The following KIRREL3 variants were observed in gnomAD, a reference collection of about 807,000 sequenced individuals.
KIRREL3 encodes the protein kirre like nephrin family adhesion molecule 3.
KIRREL3 carries 36 observed loss-of-function variants against 89.7 expected under a neutral mutation model. That is an observed-to-expected ratio of 0.40 (90% CI 0.31 to 0.53). KIRREL3 has a LOEUF of 0.53. KIRREL3 is among the 20% of genes least tolerant of loss of function. The pLI is 0.49. For synonymous variants in KIRREL3, 445 were observed against 441.4 expected, an observed-to-expected ratio of 1.01 and a Z score of -0.10; for missense variants, 864 against 1,056.6, an observed-to-expected ratio of 0.82 and a Z score of 2.53.
chr11:126,431,257 C>T lies in KIRREL3; in HGVS notation c.1696+162G>A. 1 of 1,537,348 alleles carries T rather than the reference C, an allele frequency of 6.5e-7. No individual in the cohort carries two copies. The highest frequency in any genetic ancestry group is 2.5e-5 in the East Asian group (1 of 40,644). On this transcript the variant is annotated intron_variant, in intron 14 of 16. Coordinates refer to ENST00000525144, the MANE Select transcript of KIRREL3 (RefSeq NM_032531.4). The surrounding 1 kb of genome is among the most constrained non-coding windows in gnomAD (Gnocchi z 7.1). ...TCTGCCAGGCGCCATGTTGCCCAGG[C>T]TCACATACACCGATGCATCAGACCC...
chr11:126,865,924 G>A (rs1284672001), intron 1 of KIRREL3, among the ~76,000 whole-genome samples: 1 of 151,694 alleles, frequency 6.6e-6, no homozygotes, highest in Non-Finnish European at 1.5e-5. Context: ...CACCTCCACC[G>A]AGTTTCCGGC....
rs57667466 is a variant in KIRREL3 at position 126,529,602 on chromosome 11, C to CAA, written c.134-2917_134-2916dup. The stretch of plus-strand genomic sequence containing the variant: ...TAGGTGACAGAGTGAGACTCGGTCT[C>CAA]AAAAAAAAAAAAAAAAGACCTTCCT... On this transcript the variant is annotated intron_variant, in intron 2 of 16. Transcript: ENST00000525144. 2.2e-3 allele frequency among the ~76,000 whole-genome samples: 241 copies of CAA among 111,796 alleles called. 1 individual carries two copies. Among genetic ancestry groups the CAA allele is most frequent in the African/African-American group, 6.0e-3 (198 of 32,948 alleles). The allele number at this position is 111,796 out of a possible 152,430, so 73.3% of individuals were successfully genotyped here.
rs528724307 is a variant in KIRREL3 at position 126,484,745 on chromosome 11, C to T, written c.434-11279G>A. 5.2e-4 allele frequency among the ~76,000 whole-genome samples: 79 copies of T among 152,124 alleles called. No individual in the cohort carries two copies. Among genetic ancestry groups the T allele is most frequent in the African/African-American group, 1.9e-3 (77 of 41,498 alleles). ...TTAATTAATGTAGGTGTGCTTTCCC[C>T]CTCTTCAGACCCTCCCCGCCTCCAC... On this transcript the variant is annotated intron_variant, in intron 4 of 16. Coordinates refer to ENST00000525144, the MANE Select transcript of KIRREL3 (RefSeq NM_032531.4). The surrounding 1 kb of genome is among the most constrained non-coding windows in gnomAD (Gnocchi z 5.2).
chr11:126,913,861 G>T (rs1451243760), intron 1 of KIRREL3, among the ~76,000 whole-genome samples: 5 of 152,178 alleles, frequency 3.3e-5, no homozygotes, highest in Non-Finnish European at 7.3e-5. Flanking sequence ...GGAGGGGTCT[G>T]TGTGGCTGAC....
chr11:126,549,634 G>A (rs1939100294), intron 2 of KIRREL3: 1 of 152,278 alleles, frequency 6.6e-6, no homozygotes, highest in South Asian at 2.1e-4. Context: ...AGAATTCTGT[G>A]ATGAAGCCTT....
intron 3 of KIRREL3, among the ~76,000 whole-genome samples, chr11:126,524,689 CG>C (rs1031652152): frequency 7.9e-5 from 12 of 152,114 alleles, no homozygotes; most frequent in African/African-American, 2.9e-4. Flanking sequence ...CTGGGAGATT[CG>C]GGGGGGCCAC....
In KIRREL3 at chr11:126,744,820, C is replaced by T. The variant is rs144239883; in HGVS notation, c.56-181908G>A. Reference sequence around the variant, plus strand: ...TTCATGAGGCAGGTACTGTATTTGCCCTGTTGCCTGCTCTGTCCCTGACAC... The same window carrying T: ...TTCATGAGGCAGGTACTGTATTTGCTCTGTTGCCTGCTCTGTCCCTGACAC... On this transcript the variant is annotated intron_variant, in intron 1 of 16. Coordinates refer to ENST00000525144, the MANE Select transcript of KIRREL3 (RefSeq NM_032531.4). This position sits in a 1 kb window ranked among gnomAD's most constrained non-coding sequence, Gnocchi z 4.7. Among the ~76,000 whole-genome samples, 406 of 152,024 alleles carry T rather than the reference C, an allele frequency of 2.7e-3. No individual in the cohort carries two copies. Among genetic ancestry groups the T allele is most frequent in the African/African-American group, 8.8e-3 (367 of 41,472 alleles).
Position 126,953,713 on chromosome 11 carries a change from G to C in KIRREL3, c.55+46742C>G, listed in dbSNP as rs1479880483. ...AATCGTTCTCCAATTTTTTGCAAAA[G>C]AGTAATTCTGACACATTTAAACCAC... On this transcript the variant is annotated intron_variant, in intron 1 of 16. Coordinates refer to ENST00000525144, the MANE Select transcript of KIRREL3 (RefSeq NM_032531.4). The surrounding 1 kb of genome is among the most constrained non-coding windows in gnomAD (Gnocchi z 5.2). Among the ~76,000 whole-genome samples, 1 of 152,116 alleles carries C rather than the reference G, an allele frequency of 6.6e-6. No individual in the cohort carries two copies. The highest frequency in any genetic ancestry group is 1.5e-5 in the Non-Finnish European group (1 of 68,012).
rs774467934 is a variant in KIRREL3 at position 126,704,336 on chromosome 11, T to A, written c.56-141424A>T. The stretch of plus-strand genomic sequence containing the variant: ...CAACAGCTGGTAGGAAGCATGTTTG[T>A]CGGGGTGTGGGGAGTGCAGGAGAGA... On this transcript the variant is annotated intron_variant, in intron 1 of 16. Transcript: ENST00000525144. This position sits in a 1 kb window ranked among gnomAD's most constrained non-coding sequence, Gnocchi z 4.2. Among the ~76,000 whole-genome samples, 3 of 152,096 alleles carry A rather than the reference T, an allele frequency of 2.0e-5. No homozygotes were observed. The highest frequency in any genetic ancestry group is 7.2e-5 in the African/African-American group (3 of 41,398).
In KIRREL3 at chr11:126,622,943, G is replaced by A. The variant is rs1943633054; in HGVS notation, c.56-60031C>T. On this transcript the variant is annotated intron_variant, in intron 1 of 16. Transcript: ENST00000525144. This position sits in a 1 kb window ranked among gnomAD's most constrained non-coding sequence, Gnocchi z 5.2. ...TAATGAGGAAATGGAAGTACCTAGA[G>A]GTTAAGTATTTTGCCCAAGGTCACA... Among the ~76,000 whole-genome samples, 1 of 152,174 alleles carries A rather than the reference G, an allele frequency of 6.6e-6. No homozygotes were observed. The highest frequency in any genetic ancestry group is 2.1e-4 in the South Asian group (1 of 4,820).
At chr11:126,458,385 G>A (rs1956441637) in intron 6 of KIRREL3, among the ~76,000 whole-genome samples, 1 of 151,902 alleles carries the variant, frequency 6.6e-6, no homozygotes, top group Non-Finnish European at 1.5e-5. Flanking sequence ...TTGGGACTAC[G>A]GTGGGGTCCT....
rs1326816857 is a variant in KIRREL3 at position 126,898,631 on chromosome 11, T to C, written c.55+101824A>G. 6.6e-6 allele frequency among the ~76,000 whole-genome samples: 1 copy of C among 152,180 alleles called. No homozygotes were observed. The highest frequency in any genetic ancestry group is 2.1e-4 in the South Asian group (1 of 4,824). On this transcript the variant is annotated intron_variant, in intron 1 of 16. Coordinates refer to ENST00000525144, the MANE Select transcript of KIRREL3 (RefSeq NM_032531.4). This position sits in a 1 kb window ranked among gnomAD's most constrained non-coding sequence, Gnocchi z 4.9. Reference sequence around the variant, plus strand: ...ATGTCCTTTAGGTAAATTAAAATCATGCATATAGGTAACACCCTGTACTTT... The same window carrying C: ...ATGTCCTTTAGGTAAATTAAAATCACGCATATAGGTAACACCCTGTACTTT...
At chr11:126,546,072 A>G (rs1356242329) in intron 2 of KIRREL3, among the ~76,000 whole-genome samples, 1 of 152,250 alleles carries the variant, frequency 6.6e-6, no homozygotes, top group Non-Finnish European at 1.5e-5. Flanking sequence ...ATGTGTGTAA[A>G]GTAATGACTG....
rs1177869394 is a variant in KIRREL3 at position 126,508,504 on chromosome 11, G to C, written c.433+12811C>G. Among the ~76,000 whole-genome samples, 1 of 152,102 alleles carries C rather than the reference G, an allele frequency of 6.6e-6. No homozygotes were observed. ...TTTGGAAGCCTTGGGTTTGCTCTTCGAGCCGACTCCCCGATTCCATGAGCC... is the reference window on the plus strand; with the variant it reads ...TTTGGAAGCCTTGGGTTTGCTCTTCCAGCCGACTCCCCGATTCCATGAGCC... On this transcript the variant is annotated intron_variant, in intron 4 of 16. Transcript: ENST00000525144. This position sits in a 1 kb window ranked among gnomAD's most constrained non-coding sequence, Gnocchi z 4.9.
rs1010513014 is a variant in KIRREL3 at position 126,579,377 on chromosome 11, C to T, written c.56-16465G>A. On this transcript the variant is annotated intron_variant, in intron 1 of 16. Transcript: ENST00000525144. This position sits in a 1 kb window ranked among gnomAD's most constrained non-coding sequence, Gnocchi z 5.3. Reference sequence around the variant, plus strand: ...ACCTGAGACTGTAGCTCCTCATTTCCTAAATCCTCCTGCTTGTTGTCTGAG... The same window carrying T: ...ACCTGAGACTGTAGCTCCTCATTTCTTAAATCCTCCTGCTTGTTGTCTGAG... Among the ~76,000 whole-genome samples the T allele has an allele frequency of 6.6e-6, 1 of 152,128 alleles. No individual in the cohort carries two copies. Among genetic ancestry groups the T allele is most frequent in the African/African-American group, 2.4e-5 (1 of 41,414 alleles).
intron 2 of KIRREL3, among the ~76,000 whole-genome samples, chr11:126,532,368 T>A (rs1591689992): frequency 7.3e-6 from 1 of 136,738 alleles, no homozygotes; most frequent in South Asian, 2.4e-4. Context: ...TTATCTATTT[T>A]TATATTTATT....
chr11:126,678,415 A>G (rs1320825525), intron 1 of KIRREL3, among the ~76,000 whole-genome samples: 1 of 151,938 alleles, frequency 6.6e-6, no homozygotes, highest in African/African-American at 2.4e-5. Flanking sequence ...CCTGGCTAAC[A>G]TGGTGAAACC....
At position 126,609,311 on chromosome 11, in the gene KIRREL3, C is replaced by T. The variant is rs1437264052; in HGVS notation, c.56-46399G>A. On this transcript the variant is annotated intron_variant, in intron 1 of 16. Coordinates refer to ENST00000525144, the MANE Select transcript of KIRREL3 (RefSeq NM_032531.4). This position sits in a 1 kb window ranked among gnomAD's most constrained non-coding sequence, Gnocchi z 5.0. Reference sequence around the variant, plus strand: ...TGCAGAGAGGGCTAATGTATGTCTTCCCCCCGGGCTGGTGGCTGGGTTAAT... The same window carrying T: ...TGCAGAGAGGGCTAATGTATGTCTTTCCCCCGGGCTGGTGGCTGGGTTAAT... 2.6e-5 allele frequency among the ~76,000 whole-genome samples: 4 copies of T among 152,232 alleles called. No individual in the cohort carries two copies. The highest frequency in any genetic ancestry group is 9.6e-5 in the African/African-American group (4 of 41,518).
At chr11:126,451,677 T>A (rs552588094) in intron 7 of KIRREL3, among the ~76,000 whole-genome samples, 2 of 151,882 alleles carry the variant, frequency 1.3e-5, no homozygotes, top group Middle Eastern at 3.2e-3. Context: ...TGTGTGCATA[T>A]GTGCGTGTGT....
Sources: gnomAD v4.1 joint callset for allele counts (sites outside exome capture counted in the v4.1 genomes callset) on GRCh38, gnomAD v4.1.1 for gene constraint, Gnocchi (gnomAD v3.1) non-coding constraint, MANE v1.5 for transcripts, NCBI Gene and HGNC (gene_info 2026-07-23, HGNC 2026-07-21) for gene names.